The following PLCB4 variants were observed in gnomAD, a reference collection of about 807,000 sequenced individuals.
The protein encoded by PLCB4 is phospholipase C beta 4.
PLCB4 carries 77 observed loss-of-function variants against 178.8 expected under a neutral mutation model. That is an observed-to-expected ratio of 0.43 (90% CI 0.36 to 0.52). The LOEUF is 0.52. Ranked by LOEUF, PLCB4 falls within the 20% of genes least tolerant of loss-of-function variation. PLCB4 has a pLI of 0.00. For missense variants in PLCB4, 1,024 were observed against 1,453.4 expected (o/e 0.70, Z 4.80); for synonymous variants, 496 against 490.8 (o/e 1.01, Z -0.14).
intron 25 of PLCB4, among the ~76,000 whole-genome samples, chr20:9,414,310 A>G (rs1199754393): frequency 6.6e-6 from 1 of 152,166 alleles, no homozygotes; most frequent in Non-Finnish European, 1.5e-5. Flanking sequence ...TGTCAGTGAC[A>G]GGGAAAAGAG....
intron 1 of PLCB4, among the ~76,000 whole-genome samples, chr20:9,082,381 A>G (rs1317249126): frequency 6.6e-6 from 1 of 152,164 alleles, no homozygotes; most frequent in East Asian, 1.9e-4. Context: ...AGAAGGGAGC[A>G]TTTTATTCGT....
chr20:9,171,296 G>A (rs2093059422), intron 2 of PLCB4, among the ~76,000 whole-genome samples: 1 of 152,152 alleles, frequency 6.6e-6, no homozygotes, highest in Non-Finnish European at 1.5e-5. Flanking sequence ...GATTTTCAAA[G>A]GTACATCATT....
At chr20:9,115,495 G>A (rs1432367943) in intron 2 of PLCB4, among the ~76,000 whole-genome samples, 2 of 149,820 alleles carry the variant, frequency 1.3e-5, no homozygotes, top group African/African-American at 4.9e-5. Context: ...TGTTACATAT[G>A]TATACATGTG....
At chr20:9,346,979 C>A (rs2033862635) in intron 7 of PLCB4, among the ~76,000 whole-genome samples, 1 of 152,154 alleles carries the variant, frequency 6.6e-6, no homozygotes, top group Non-Finnish European at 1.5e-5. Context: ...TTTGCTCTTG[C>A]AAGACCATCT....
rs1179304569 is a variant in PLCB4, at chr20:9,453,412, A to G, written c.2946A>G (p.Lys982=). The change falls in exon 33 of 40, where the codon AAA becomes AAG. Residue 982 remains lysine, a synonymous_variant. Coordinates refer to ENST00000378473, the MANE Select transcript of PLCB4 (RefSeq NM_001377142.1). The part of the protein sequence containing the change: ...QVDKIVAQYD[K]EKSTHEKILE... ...ACAAAATTGTGGCACAGTATGACAAAGAGAAGTCGACTCATGAGAAAATCC... is the reference window on the plus strand; with the variant it reads ...ACAAAATTGTGGCACAGTATGACAAGGAGAAGTCGACTCATGAGAAAATCC... 1 of 1,612,916 alleles carries G rather than the reference A, an allele frequency of 6.2e-7. No individual in the cohort carries two copies. The highest frequency in any genetic ancestry group is 2.2e-5 in the East Asian group (1 of 44,872).
At position 9,421,411 on chromosome 20, in the gene PLCB4, A is replaced by T; in HGVS notation, c.2269A>T (p.Asn757Tyr). The change falls in exon 27 of 40, where the codon AAT becomes TAT. Residue 757 changes from asparagine (N) to tyrosine (Y), a missense_variant. Asn to Tyr is a moderately radical substitution (Grantham distance 143). Transcript: ENST00000378473. ...GGAATTCCGAACTCGCATGGTTATG[A>T]ATAATGGACTCAATCCAGTTTACAA... ...RKEFRTRMVM[N>Y]NGLNPVYNEE... 6.2e-7 allele frequency: 1 copy of T among 1,614,022 alleles called. No homozygotes were observed. Among genetic ancestry groups the T allele is most frequent in the South Asian group, 1.1e-5 (1 of 91,078 alleles).
intron 2 of PLCB4, among the ~76,000 whole-genome samples, chr20:9,120,489 T>A (rs1397681498): frequency 2.6e-5 from 4 of 152,056 alleles, no homozygotes; most frequent in Non-Finnish European, 5.9e-5. Flanking sequence ...CATCTTGCCA[T>A]CTCCCCTTCT....
chr20:9,313,786 C>A (rs1034576746), intron 4 of PLCB4, among the ~76,000 whole-genome samples: 3 of 152,220 alleles, frequency 2.0e-5, no homozygotes, highest in African/African-American at 7.2e-5. Flanking sequence ...CCACCACCAC[C>A]ACTGGCTGGG....
intron 3 of PLCB4, among the ~76,000 whole-genome samples, chr20:9,253,622 T>G (rs1202430054): frequency 1.3e-5 from 2 of 152,212 alleles, no homozygotes; most frequent in Non-Finnish European, 2.9e-5. Context: ...TCATTTTGCT[T>G]ATTATGTTTT....
chr20:9,229,011 G>C (rs541526581), intron 3 of PLCB4, among the ~76,000 whole-genome samples: 1 of 152,282 alleles, frequency 6.6e-6, no homozygotes, highest in African/African-American at 2.4e-5. Flanking sequence ...TCGCTGTGAG[G>C]ATAACATTCT....
intron 3 of PLCB4, among the ~76,000 whole-genome samples, chr20:9,306,526 A>G (rs961298079): frequency 6.6e-6 from 1 of 152,128 alleles, no homozygotes; most frequent in Non-Finnish European, 1.5e-5. Flanking sequence ...AATTTCTAGT[A>G]TCTGTGGTTA....
At chr20:9,187,381 GGACCCTAAT>G (rs2093343681) in intron 2 of PLCB4, among the ~76,000 whole-genome samples, 1 of 152,118 alleles carries the variant, frequency 6.6e-6, no homozygotes, top group Non-Finnish European at 1.5e-5. Flanking sequence ...CCCCTGCTGA[GGACCCTAAT>G]GACACTGTCT....
At chr20:9,210,552 C>T (rs891263361) in intron 2 of PLCB4, among the ~76,000 whole-genome samples, 6 of 152,172 alleles carry the variant, frequency 3.9e-5, no homozygotes, top group Non-Finnish European at 7.3e-5. Flanking sequence ...CAAGCTTTCT[C>T]TGAGGGGACA....
At chr20:9,116,205 A>G (rs2091774125) in intron 2 of PLCB4, among the ~76,000 whole-genome samples, 1 of 151,960 alleles carries the variant, frequency 6.6e-6, no homozygotes, top group Non-Finnish European at 1.5e-5. Context: ...TAAAGTTATG[A>G]AAATATTAGT....
chr20:9,441,830 C>G lies in PLCB4; in HGVS notation c.2765-2151C>G, dbSNP rs2042122591. Among the ~76,000 whole-genome samples the G allele has an allele frequency of 3.3e-5, 5 of 151,916 alleles. 1 individual carries two copies. In the South Asian group the frequency reaches 1.0e-3, roughly 32 times the overall value. On this transcript the variant is annotated intron_variant, in intron 30 of 39. Coordinates refer to ENST00000378473, the MANE Select transcript of PLCB4 (RefSeq NM_001377142.1). ...AGCAGACGGCATTTGCTGCAGACCT[C>G]TATGAAGGTGGGGAGGTGTGAAATT...
At chr20:9,431,650 TTGTGTGTGTG>T (rs3037096) in intron 28 of PLCB4, among the ~76,000 whole-genome samples, 1,447 of 144,256 alleles carry the variant, frequency 0.01, 30 homozygotes, top group African/African-American at 0.034. Flanking sequence ...GTGTGTGTGT[TTGTGTGTGTG>T]TGTGTGTGTG....
intron 3 of PLCB4, among the ~76,000 whole-genome samples, chr20:9,246,661 G>A (rs1391509759): frequency 6.6e-6 from 1 of 151,728 alleles, no homozygotes; most frequent in Non-Finnish European, 1.5e-5. Flanking sequence ...TGGAGGTATG[G>A]GTCACTCTGC....
intron 4 of PLCB4, among the ~76,000 whole-genome samples, chr20:9,311,985 G>A (rs924895969): frequency 3.9e-5 from 6 of 152,084 alleles, no homozygotes; most frequent in African/African-American, 1.2e-4. Flanking sequence ...ATTCATATAG[G>A]TACATGGGCC....
intron 2 of PLCB4, among the ~76,000 whole-genome samples, chr20:9,143,035 G>A (rs141124212): frequency 1.2e-4 from 18 of 152,248 alleles, no homozygotes; most frequent in African/African-American, 3.6e-4. Flanking sequence ...TTCTCCCTCT[G>A]CCTGGAAACT....
Sources: gnomAD v4.1 joint callset for allele counts (sites outside exome capture counted in the v4.1 genomes callset) on GRCh38, gnomAD v4.1.1 for gene constraint, MANE v1.5 for transcripts, NCBI Gene and HGNC (gene_info 2026-07-23, HGNC 2026-07-21) for gene names.